The following COL4A3 variants were observed in gnomAD, a reference collection of about 807,000 sequenced individuals.
The protein encoded by COL4A3 is collagen type IV alpha 3 chain.
Under a neutral mutation model 217.4 loss-of-function variants are expected in COL4A3, and 135 were observed. That is an observed-to-expected ratio of 0.62 (90% CI 0.54 to 0.72). The LOEUF is 0.72. COL4A3 is among the 30% of genes least tolerant of loss of function. The pLI, the probability that COL4A3 is intolerant of heterozygous loss-of-function variation, is 0.00. For missense variants in COL4A3, 1,868 were observed against 2,119.9 expected (o/e 0.88, Z 2.33); for synonymous variants, 690 against 736.3 (o/e 0.94, Z 1.02).
chr2:227,197,196 G>T (rs1054761366), intron 1 of COL4A3, among the ~76,000 whole-genome samples: 3 of 151,710 alleles, frequency 2.0e-5, no homozygotes, highest in Non-Finnish European at 2.9e-5. Context: ...TTTGGGTACG[G>T]TTTTTTTGTT....
chr2:227,256,966 C>T (rs1277052836), intron 17 of COL4A3, among the ~76,000 whole-genome samples: 3 of 152,188 alleles, frequency 2.0e-5, no homozygotes, highest in African/African-American at 7.2e-5. Context: ...TCCTGGACTA[C>T]AAACCTGCAC....
intron 1 of COL4A3, among the ~76,000 whole-genome samples, chr2:227,205,617 T>C (rs939570493): frequency 3.3e-5 from 5 of 152,154 alleles, no homozygotes; most frequent in African/African-American, 1.2e-4. Flanking sequence ...TGGAAACAAG[T>C]AAATAACTTC....
In COL4A3 at chr2:227,294,963, G is replaced by C; in HGVS notation, c.3419-1G>C. 1 of 1,550,036 alleles carries C rather than the reference G, an allele frequency of 6.5e-7. No homozygotes were observed. Among genetic ancestry groups the C allele is most frequent in the Non-Finnish European group, 8.9e-7 (1 of 1,128,968 alleles). ...TTTTGGGTTTTTTTTTTTTTTTTCA[G>C]GTCTTCCAGGATTTCCAGGATCTCC... On this transcript the variant is annotated splice_acceptor_variant, in intron 39 of 51. Transcript: ENST00000396578. LOFTEE classifies it high-confidence loss of function.
chr2:227,297,727 G>T lies in COL4A3; in HGVS notation c.3619G>T (p.Gly1207Trp). 1 of 1,608,130 alleles carries T rather than the reference G, an allele frequency of 6.2e-7. No homozygotes were observed. Among genetic ancestry groups the T allele is most frequent in the Non-Finnish European group, 8.5e-7 (1 of 1,177,832 alleles). The change falls in exon 42 of 52, where the codon GGG becomes TGG. Residue 1207 changes from glycine to tryptophan, a missense_variant. Physicochemically the swap from Gly to Trp is radical, Grantham distance 184 (BLOSUM62 -2). Transcript: ENST00000396578. ...TTTTCCTGGCCTCCCGGGCAGAAAA[G>T]GGGCCATGGGAGATGCTGGACCTCG... Reference protein sequence around the residue: ...PGFPGLPGRKGAMGDAGPRGP... With the variant: ...PGFPGLPGRKWAMGDAGPRGP...
chr2:227,279,577 T>C (rs530096435), intron 28 of COL4A3: 9 of 546,882 alleles, frequency 1.6e-5, no homozygotes, highest in East Asian at 3.1e-5. Flanking sequence ...ATCATGGCCC[T>C]ACTAAACAAC....
intron 41 of COL4A3, among the ~76,000 whole-genome samples, chr2:227,296,018 A>G (rs2073013419): frequency 6.6e-6 from 1 of 152,236 alleles, no homozygotes; most frequent in Non-Finnish European, 1.5e-5. Context: ...GGAGCATTTC[A>G]TTAGCAAAGA....
At chr2:227,219,624 AT>A (rs1363030806) in intron 1 of COL4A3, among the ~76,000 whole-genome samples, 1 of 152,150 alleles carries the variant, frequency 6.6e-6, no homozygotes, top group Non-Finnish European at 1.5e-5. Flanking sequence ...TTATTTTTGT[AT>A]GACGTCTCAC....
At chr2:227,225,861 T>G (rs34365226) in intron 1 of COL4A3, among the ~76,000 whole-genome samples, 32,015 of 151,718 alleles carry the variant, frequency 0.21, 3,744 homozygotes, top group Non-Finnish European at 0.27. Flanking sequence ...ATAATTACAC[T>G]CCACCATGCC....
chr2:227,220,331 C>T (rs994684453), intron 1 of COL4A3, among the ~76,000 whole-genome samples: 10 of 151,494 alleles, frequency 6.6e-5, no homozygotes, highest in Admixed American at 2.0e-4. Flanking sequence ...TACAGGTGCC[C>T]GCCACCACGC....
intron 1 of COL4A3, among the ~76,000 whole-genome samples, chr2:227,207,830 A>T (rs2067157776): frequency 6.6e-6 from 1 of 152,238 alleles, no homozygotes; most frequent in Non-Finnish European, 1.5e-5. Context: ...GGAGCTTCTA[A>T]GCCCATAGTT....
chr2:227,207,564 C>T (rs2067148231), intron 1 of COL4A3, among the ~76,000 whole-genome samples: 1 of 152,172 alleles, frequency 6.6e-6, no homozygotes, highest in African/African-American at 2.4e-5. Flanking sequence ...TACTGCTTCA[C>T]TTTTGGAGCA....
chr2:227,249,212 G>GTGTATATATATATATATATATATATA (rs1199261361), intron 9 of COL4A3, among the ~76,000 whole-genome samples: 3 of 33,228 alleles, frequency 9.0e-5, no homozygotes, highest in African/African-American at 2.1e-4. Flanking sequence ...AAATTAGCTA[G>GTGTATATATATATATATATATATATA]TATATATATA....
At chr2:227,187,349 G>A (rs951858742) in intron 1 of COL4A3, among the ~76,000 whole-genome samples, 2 of 152,154 alleles carry the variant, frequency 1.3e-5, no homozygotes, top group African/African-American at 4.8e-5. Flanking sequence ...AGAAGAGAAT[G>A]GTTGCTCCAG....
At chr2:227,273,902 G>GTT (rs978805567) in intron 26 of COL4A3, among the ~76,000 whole-genome samples, 2 of 152,088 alleles carry the variant, frequency 1.3e-5, no homozygotes, top group Non-Finnish European at 2.9e-5. Context: ...GCTACTGATA[G>GTT]TTTTGAGCAA....
Position 227,255,319 on chromosome 2 carries a change from C to T in COL4A3, c.888+604C>T, listed in dbSNP as rs548658982. On this transcript the variant is annotated intron_variant, in intron 15 of 51. Transcript: ENST00000396578. The stretch of plus-strand genomic sequence containing the variant: ...GCAATCTGTGACCAGAAGTGGGCAG[C>T]TGGAAAAACGGAAGCAGCAGGGGCC... Among the ~76,000 whole-genome samples the T allele has an allele frequency of 2.4e-4, 37 of 152,206 alleles. 1 individual carries two copies. Among genetic ancestry groups the T allele is most frequent in the African/African-American group, 8.4e-4 (35 of 41,540 alleles).
At chr2:227,311,380 C>CTTT (rs11286889) in intron 51 of COL4A3, among the ~76,000 whole-genome samples, 5 of 141,742 alleles carry the variant, frequency 3.5e-5, no homozygotes, top group East Asian at 2.0e-4. Flanking sequence ...AATTTCTCTC[C>CTTT]TTTTTTTTTT....
intron 1 of COL4A3, among the ~76,000 whole-genome samples, chr2:227,179,590 A>C (rs1472765139): frequency 6.6e-6 from 1 of 152,268 alleles, no homozygotes; most frequent in African/African-American, 2.4e-5. Context: ...ATAAAGAATT[A>C]GTAGTTCTTT....
Position 227,195,658 on chromosome 2 carries a change from T to G in COL4A3, c.87+30845T>G, listed in dbSNP as rs1028396624. ...ATTATTTTAGAGTCTATGCCACATATATATATATATGTGTGTGTGTGTGTG... is the reference window on the plus strand; with the variant it reads ...ATTATTTTAGAGTCTATGCCACATAGATATATATATGTGTGTGTGTGTGTG... On this transcript the variant is annotated intron_variant, in intron 1 of 51. Coordinates refer to ENST00000396578, the MANE Select transcript of COL4A3 (RefSeq NM_000091.5). Among the ~76,000 whole-genome samples the G allele has an allele frequency of 2.6e-4, 26 of 100,132 alleles. 1 individual carries two copies. Among genetic ancestry groups the G allele is most frequent in the South Asian group, 1.8e-3 (5 of 2,832 alleles). The allele number at this position is 100,132 out of a possible 152,430, so 65.7% of individuals were successfully genotyped here.
chr2:227,165,783 A>G (rs1677161366), intron 1 of COL4A3, among the ~76,000 whole-genome samples: 1 of 152,216 alleles, frequency 6.6e-6, no homozygotes, highest in South Asian at 2.1e-4. Flanking sequence ...CTATGGTCAC[A>G]TATAGGTTCT....
Sources: gnomAD v4.1 joint callset for allele counts (sites outside exome capture counted in the v4.1 genomes callset) on GRCh38, gnomAD v4.1.1 for gene constraint, MANE v1.5 for transcripts, NCBI Gene and HGNC (gene_info 2026-07-23, HGNC 2026-07-21) for gene names.